Variants in ENTREP2 observed in about 807,000 individuals in gnomAD.
ENTREP2 encodes protein ENTREP2.
chr15:29,197,188 C>T, the ENTREP2 span, among the ~76,000 whole-genome samples: 1 of 152,164 alleles, frequency 6.6e-6, no homozygotes, highest in Non-Finnish European at 1.5e-5. Flanking sequence ...AAATGCATTT[C>T]AAGTATTTTA....
chr15:29,471,643 C>T, the ENTREP2 span, among the ~76,000 whole-genome samples: 10 of 152,210 alleles, frequency 6.6e-5, no homozygotes, highest in African/African-American at 2.4e-4. Context: ...GGGCCAAGGG[C>T]CACAAAAGGC....
At chr15:29,333,149 T>C in the ENTREP2 span, among the ~76,000 whole-genome samples, 3 of 151,782 alleles carry the variant, frequency 2.0e-5, no homozygotes, top group African/African-American at 4.8e-5. Flanking sequence ...GGAGGTCACA[T>C]AGAGTGAAGT....
At chr15:29,433,055 G>T in the ENTREP2 span, among the ~76,000 whole-genome samples, 2 of 152,200 alleles carry the variant, frequency 1.3e-5, no homozygotes, top group Non-Finnish European at 2.9e-5. Flanking sequence ...CTGAATCCCA[G>T]CACAAACAGG....
the ENTREP2 span, among the ~76,000 whole-genome samples, chr15:29,349,575 G>A: frequency 6.6e-6 from 1 of 152,174 alleles, no homozygotes; most frequent in Non-Finnish European, 1.5e-5. Context: ...CTACAGTATG[G>A]AAAACTTATA....
the ENTREP2 span, among the ~76,000 whole-genome samples, chr15:29,129,977 G>GCAAGT: frequency 5.3e-5 from 8 of 152,196 alleles, no homozygotes; most frequent in African/African-American, 1.9e-4. Context: ...GGGGGCTCCT[G>GCAAGT]CGACTTGCTC....
chr15:29,564,311 C>G, the ENTREP2 span, among the ~76,000 whole-genome samples: 154 of 152,324 alleles, frequency 1.0e-3, no homozygotes, highest in African/African-American at 3.5e-3. Flanking sequence ...TTTTCCAAGG[C>G]TATATGCTCT....
the ENTREP2 span, among the ~76,000 whole-genome samples, chr15:29,489,832 G>T: frequency 4.6e-5 from 7 of 152,148 alleles, no homozygotes; most frequent in African/African-American, 1.7e-4. Flanking sequence ...AGGCCATGAC[G>T]GCGCAGTTCT....
chr15:29,433,896 G>C, the ENTREP2 span, among the ~76,000 whole-genome samples: 1 of 151,704 alleles, frequency 6.6e-6, no homozygotes, highest in East Asian at 1.9e-4. Flanking sequence ...TCATTCACCT[G>C]ATGGCTCTAC....
the ENTREP2 span, among the ~76,000 whole-genome samples, chr15:29,632,284 G>T: frequency 6.6e-6 from 1 of 152,088 alleles, no homozygotes; most frequent in Non-Finnish European, 1.5e-5. Flanking sequence ...TATTTCCAGG[G>T]TTTTTAGTTT....
the ENTREP2 span, among the ~76,000 whole-genome samples, chr15:29,319,914 G>A: frequency 6.6e-6 from 1 of 152,162 alleles, no homozygotes; most frequent in Non-Finnish European, 1.5e-5. Flanking sequence ...TGTGTGTTTT[G>A]CCTCTGAGAA....
At chr15:29,274,496 G>A in the ENTREP2 span, among the ~76,000 whole-genome samples, 2 of 152,078 alleles carry the variant, frequency 1.3e-5, no homozygotes, top group Non-Finnish European at 2.9e-5. Context: ...AAACCTGTAC[G>A]ATACTGACAC....
At chr15:29,284,574 C>A in the ENTREP2 span, among the ~76,000 whole-genome samples, 14,850 of 136,622 alleles carry the variant, frequency 0.11, 847 homozygotes, top group East Asian at 0.17. Flanking sequence ...AAAAAAAAAA[C>A]CAAAAATAAA....
At chr15:29,470,029 A>G in the ENTREP2 span, among the ~76,000 whole-genome samples, 1 of 152,362 alleles carries the variant, frequency 6.6e-6, no homozygotes, top group Admixed American at 6.5e-5. Flanking sequence ...CACAGATTCA[A>G]TATCATGTAT....
At chr15:29,350,206 TTC>T in the ENTREP2 span, among the ~76,000 whole-genome samples, 1 of 152,168 alleles carries the variant, frequency 6.6e-6, no homozygotes, top group African/African-American at 2.4e-5. Context: ...TAATAACTAT[TTC>T]TGTTTGGGTT....
At chr15:29,657,279 G>A in the ENTREP2 span, among the ~76,000 whole-genome samples, 8 of 151,172 alleles carry the variant, frequency 5.3e-5, no homozygotes, top group Non-Finnish European at 1.5e-5. Context: ...CAGGATGGTC[G>A]CAAATCTCTC....
the ENTREP2 span, among the ~76,000 whole-genome samples, chr15:29,669,484 T>G: frequency 6.6e-6 from 1 of 152,168 alleles, no homozygotes; most frequent in African/African-American, 2.4e-5. Context: ...ACCTTGGACT[T>G]CCCAGCCTCC....
At chr15:29,394,648 C>T in the ENTREP2 span, among the ~76,000 whole-genome samples, 3 of 152,120 alleles carry the variant, frequency 2.0e-5, no homozygotes, top group Non-Finnish European at 4.4e-5. Context: ...TCACCTTGTG[C>T]AAACATTCCC....
chr15:29,206,780 G>C, the ENTREP2 span, among the ~76,000 whole-genome samples: 2 of 152,130 alleles, frequency 1.3e-5, no homozygotes, highest in African/African-American at 4.8e-5. Flanking sequence ...CTTTAAGTGG[G>C]TGAATTGTAT....
the ENTREP2 span, among the ~76,000 whole-genome samples, chr15:29,338,450 A>G: frequency 1.3e-5 from 2 of 151,868 alleles, no homozygotes; most frequent in Non-Finnish European, 2.9e-5. Flanking sequence ...AAGAAAAGAA[A>G]AAAAAGAAAC....
Sources: allele counts gnomAD v4.1 joint callset (sites outside exome capture counted in the v4.1 genomes callset), GRCh38; gene constraint gnomAD v4.1.1; transcripts MANE v1.5; gene names NCBI Gene and HGNC (gene_info 2026-07-23, HGNC 2026-07-21).